Variants in RBM20 observed in about 807,000 individuals in gnomAD.
RBM20 encodes the protein RNA binding motif protein 20.
A neutral mutation model predicts 110.1 loss-of-function variants in RBM20; 51 were observed. That is an observed-to-expected ratio of 0.46 (90% CI 0.37 to 0.59). The LOEUF (loss-of-function observed/expected upper bound fraction) is 0.59. Ranked by LOEUF, RBM20 falls within the 20% of genes least tolerant of loss-of-function variation. The pLI is 0.00. For synonymous variants in RBM20, 589 were observed against 618.2 expected (o/e 0.95, Z 0.70); for missense variants, 1,512 against 1,574.9 (o/e 0.96, Z 0.68).
At position 110,644,612 on chromosome 10, in the gene RBM20, C is replaced by CGCCCCA; in HGVS notation, c.159_164dup (p.Pro54_Gln55dup). On this transcript the variant is annotated inframe_insertion, in exon 1 of 14. Coordinates refer to ENST00000369519, the MANE Select transcript of RBM20 (RefSeq NM_001134363.3). The surrounding 1 kb of genome is among the most constrained non-coding windows in gnomAD (Gnocchi z 4.3). ...CCGCCGCCGCCCCAGCCACCGCCCC[C>CGCCCCA]GCCCCAAGCCGGCCTACCCCAGATC... The CGCCCCA allele has an allele frequency of 6.6e-7, 1 of 1,519,162 alleles. No individual in the cohort carries two copies. The highest frequency in any genetic ancestry group is 8.8e-7 in the Non-Finnish European group (1 of 1,137,114). The allele number at this position is 1,519,162 out of a possible 1,614,324, so 94.1% of individuals were successfully genotyped here. A position where few individuals can be genotyped will look rare whatever the true frequency, so the allele number is the denominator to read the frequency against.
chr10:110,825,466 CTGAT>C (rs1844970904), intron 12 of RBM20, among the ~76,000 whole-genome samples: 1 of 152,192 alleles, frequency 6.6e-6, no homozygotes, highest in African/African-American at 2.4e-5. Flanking sequence ...TATTAAAGGT[CTGAT>C]TGATCTCTTC....
rs73358999 is a variant in RBM20, at chr10:110,815,888, G to A, written c.2550+2941G>A. 3.4e-3 allele frequency among the ~76,000 whole-genome samples: 524 copies of A among 152,246 alleles called. 4 individuals carry two copies. Among genetic ancestry groups the A allele is most frequent in the African/African-American group, 0.012 (489 of 41,524 alleles). ...GTGGGGTCAGTAGGGACTTACTGGGGCCCCTCACAGATTGTGTCTTTAGGT... is the reference window on the plus strand; with the variant it reads ...GTGGGGTCAGTAGGGACTTACTGGGACCCCTCACAGATTGTGTCTTTAGGT... On this transcript the variant is annotated intron_variant, in intron 9 of 13. Transcript: ENST00000369519.
intron 2 of RBM20, 120 bp downstream of exon 2, chr10:110,782,004 C>A: frequency 1.6e-6 from 2 of 1,266,000 alleles, no homozygotes; most frequent in Non-Finnish European, 2.2e-6. Flanking sequence ...AGAATTTTGC[C>A]ATCAGTATTC....
At chr10:110,779,984 T>A (rs1590673205) in intron 1 of RBM20, among the ~76,000 whole-genome samples, 1 of 150,362 alleles carries the variant, frequency 6.7e-6, no homozygotes, top group Admixed American at 6.6e-5. Flanking sequence ...GTCATTAAAG[T>A]GGTTTTGTTT....
At chr10:110,791,157 T>C (rs1461171183) in intron 5 of RBM20, among the ~76,000 whole-genome samples, 2 of 152,252 alleles carry the variant, frequency 1.3e-5, no homozygotes, top group East Asian at 3.8e-4. Flanking sequence ...TTGCAACCAT[T>C]TGCTATCTGC....
intron 5 of RBM20, 87 bp from the exon 6 acceptor site, chr10:110,797,421 G>C: frequency 7.8e-7 from 1 of 1,280,656 alleles, no homozygotes; most frequent in Non-Finnish European, 1.0e-6. Flanking sequence ...CATTGTTTAG[G>C]GGAAAGATAG....
intron 1 of RBM20, among the ~76,000 whole-genome samples, chr10:110,749,395 A>G (rs1263119660): frequency 6.6e-6 from 1 of 152,254 alleles, no homozygotes; most frequent in Non-Finnish European, 1.5e-5. Flanking sequence ...TCACAATAAC[A>G]ATAAAACAAT....
rs1844347006 is a variant in RBM20 at position 110,781,489 on chromosome 10, A to G, written c.880A>G (p.Ser294Gly). Residue 294 changes from serine to glycine, a missense_variant, in exon 2 of 14, where the codon AGC (serine) becomes GGC (glycine). Coordinates refer to ENST00000369519, the MANE Select transcript of RBM20 (RefSeq NM_001134363.3). ...GPNSQGSHVA[S>G]GFPAEQAGGL... Reference sequence around the variant, plus strand: ...CAACTCCCAAGGTTCACATGTGGCCAGCGGATTTCCAGCTGAGCAGGCTGG... The same window carrying G: ...CAACTCCCAAGGTTCACATGTGGCCGGCGGATTTCCAGCTGAGCAGGCTGG... The G allele has an allele frequency of 6.4e-7, 1 of 1,551,600 alleles. No homozygotes were observed. The highest frequency in any genetic ancestry group is 1.2e-5 in the South Asian group (1 of 84,062).
chr10:110,788,078 AGGTGGT>A (rs1844441810), intron 5 of RBM20, among the ~76,000 whole-genome samples: 1 of 151,984 alleles, frequency 6.6e-6, no homozygotes, highest in Non-Finnish European at 1.5e-5. Context: ...TGGTAAATGG[AGGTGGT>A]GGGATTTGAA....
chr10:110,749,929 G>A (rs1417882549), intron 1 of RBM20, among the ~76,000 whole-genome samples: 1 of 152,082 alleles, frequency 6.6e-6, no homozygotes, highest in Non-Finnish European at 1.5e-5. Flanking sequence ...GACCTGAGAG[G>A]TTAAAAAGAA....
intron 1 of RBM20, among the ~76,000 whole-genome samples, chr10:110,746,016 T>C (rs190919032): frequency 4.8e-4 from 73 of 152,304 alleles, no homozygotes; most frequent in African/African-American, 1.6e-3. Flanking sequence ...CTCATGATTC[T>C]GTGGGTTATG....
intron 1 of RBM20, among the ~76,000 whole-genome samples, chr10:110,727,186 T>G (rs1564826960): frequency 1.5e-5 from 2 of 136,352 alleles, no homozygotes; most frequent in African/African-American, 5.5e-5. Context: ...ATTAAGAAAT[T>G]CCCCCTTTTA....
intron 1 of RBM20, among the ~76,000 whole-genome samples, chr10:110,675,251 G>C (rs1862321983): frequency 6.6e-6 from 1 of 152,132 alleles, no homozygotes; most frequent in African/African-American, 2.4e-5. Context: ...GCCTGTTTTG[G>C]TGAATAAGTT....
intron 1 of RBM20, among the ~76,000 whole-genome samples, chr10:110,714,137 G>C (rs1033781625): frequency 2.6e-5 from 4 of 152,144 alleles, no homozygotes; most frequent in African/African-American, 4.8e-5. Flanking sequence ...TAAGCCTCCT[G>C]AGTAGACACT....
chr10:110,709,759 G>T (rs553751159), intron 1 of RBM20, among the ~76,000 whole-genome samples: 4 of 151,082 alleles, frequency 2.6e-5, no homozygotes, highest in Non-Finnish European at 4.4e-5. Context: ...TTGTAGAGAT[G>T]GGGGGTCTCA....
At chr10:110,802,631 T>C (rs531623533) in intron 7 of RBM20, among the ~76,000 whole-genome samples, 1 of 152,356 alleles carries the variant, frequency 6.6e-6, no homozygotes, top group South Asian at 2.1e-4. Context: ...TAGCAATACC[T>C]TCCTGAGGGA....
intron 1 of RBM20, among the ~76,000 whole-genome samples, chr10:110,656,202 T>C (rs2134814631): frequency 6.6e-6 from 1 of 152,250 alleles, no homozygotes; most frequent in East Asian, 1.9e-4. Context: ...CTCTGGAGGC[T>C]GAGGCAGGAG....
Position 110,781,067 on chromosome 10 carries a change from C to T in RBM20, c.458C>T (p.Pro153Leu). Residue 153 changes from proline to leucine, a missense_variant, in exon 2 of 14, where the codon CCC becomes CTC. Physicochemically the swap from Pro to Leu is moderately conservative, Grantham distance 98. Around this residue, in one of 3 missense-constraint regions of RBM20, gnomAD observed 1,149 missense variants for 1,169.4 expected, o/e 0.98. Coordinates refer to ENST00000369519, the MANE Select transcript of RBM20 (RefSeq NM_001134363.3). ...ITGPHGHAGV[P>L]QHAAAIPSTR... ...GGCCCCCACGGCCATGCTGGGGTTC[C>T]CCAACATGCTGCAGCCATACCCAGT... The T allele has an allele frequency of 6.4e-7, 1 of 1,551,904 alleles. No homozygotes were observed. The highest frequency in any genetic ancestry group is 8.7e-7 in the Non-Finnish European group (1 of 1,147,038).
chr10:110,751,290 G>A (rs1011576168), intron 1 of RBM20, among the ~76,000 whole-genome samples: 1 of 152,184 alleles, frequency 6.6e-6, no homozygotes, highest in Non-Finnish European at 1.5e-5. Flanking sequence ...CTTTACCACA[G>A]GAATGAATTT....
Sources: gnomAD v4.1 joint callset for allele counts (sites outside exome capture counted in the v4.1 genomes callset) on GRCh38, gnomAD v4.1.1 for gene constraint, gnomAD v4.1.1 regional missense constraint, Gnocchi (gnomAD v3.1) non-coding constraint, MANE v1.5 for transcripts, NCBI Gene and HGNC (gene_info 2026-07-23, HGNC 2026-07-21) for gene names.